The following DIO2 variants were observed in gnomAD, a reference collection of about 807,000 sequenced individuals.
The protein encoded by DIO2 is iodothyronine deiodinase 2.
A neutral mutation model predicts 21.4 loss-of-function variants in DIO2; 19 were observed. That is an observed-to-expected ratio of 0.89 (90% CI 0.62 to 1.30). The LOEUF (loss-of-function observed/expected upper bound fraction) is 1.30. Ranked by LOEUF, DIO2 falls within the 50% of genes most tolerant of loss-of-function variation. The pLI is 0.00. For missense variants in DIO2, 302 were observed against 338.1 expected (o/e 0.89, Z 0.84); for synonymous variants, 122 against 132.9 (o/e 0.92, Z 0.57).
At chr14:80,225,136 C>T (rs1166530397) in intron 2 of DIO2, among the ~76,000 whole-genome samples, 1 of 152,090 alleles carries the variant, frequency 6.6e-6, no homozygotes, top group Non-Finnish European at 1.5e-5. Context: ...CTTCCCCAGC[C>T]CACTGACTCA....
chr14:80,212,659 A>G (rs144306036), upstream of DIO2, among the ~76,000 whole-genome samples: 454 of 152,142 alleles, frequency 3.0e-3, 1 homozygote, highest in African/African-American at 0.01. Context: ...CATGACTCCA[A>G]CCCTTTGTAA....
At chr14:80,216,325 C>T (rs1025007577), upstream of DIO2, among the ~76,000 whole-genome samples, 4 of 152,202 alleles carry the variant, frequency 2.6e-5, no homozygotes, top group African/African-American at 9.6e-5. Context: ...TGTGGCGATG[C>T]TCTTTGTGAG....
At chr14:80,205,931 G>T (rs1465899219) in intron 1 of DIO2, among the ~76,000 whole-genome samples, 2 of 152,036 alleles carry the variant, frequency 1.3e-5, no homozygotes, top group Non-Finnish European at 2.9e-5. Context: ...ATCATATTTG[G>T]GTGACGGATA....
At chr14:80,209,488 C>T (rs1455350654) in intron 1 of DIO2, among the ~76,000 whole-genome samples, 2 of 152,048 alleles carry the variant, frequency 1.3e-5, no homozygotes, top group Non-Finnish European at 2.9e-5. Context: ...AGGGAACTTC[C>T]TAATTAATAA....
chr14:80,225,864 T>G (rs1235544910), intron 2 of DIO2, among the ~76,000 whole-genome samples: 1 of 152,182 alleles, frequency 6.6e-6, no homozygotes, highest in African/African-American at 2.4e-5. Flanking sequence ...TGTAACTCCC[T>G]TCTTAGCCTG....
intron 2 of DIO2, among the ~76,000 whole-genome samples, chr14:80,226,716 G>A (rs893025965): frequency 6.6e-6 from 1 of 152,300 alleles, no homozygotes; most frequent in East Asian, 1.9e-4. Context: ...TGCCACCATG[G>A]CCACTTTGTT....
At chr14:80,204,084 G>GT (rs1182519375) in intron 1 of DIO2, among the ~76,000 whole-genome samples, 1 of 151,822 alleles carries the variant, frequency 6.6e-6, no homozygotes, top group Non-Finnish European at 1.5e-5. Context: ...GTTTGTTTTT[G>GT]TTTTTTTAAA....
chr14:80,213,269 G>A (rs1888269186), upstream of DIO2, among the ~76,000 whole-genome samples: 1 of 152,116 alleles, frequency 6.6e-6, no homozygotes, highest in Admixed American at 6.6e-5. Context: ...AGATCACTGA[G>A]TTTTCTCAGT....
chr14:80,203,701 C>G (rs1887838746), intron 1 of DIO2, among the ~76,000 whole-genome samples: 1 of 152,196 alleles, frequency 6.6e-6, no homozygotes, highest in South Asian at 2.1e-4. Flanking sequence ...GACAAATTAT[C>G]AGGGTCTTGG....
At chr14:80,203,935 G>A (rs1381391704) in intron 1 of DIO2, among the ~76,000 whole-genome samples, 2 of 152,214 alleles carry the variant, frequency 1.3e-5, no homozygotes, top group Admixed American at 1.3e-4. Flanking sequence ...AATAATGCCT[G>A]TCTTCCACAT....
rs145575928 is a variant in DIO2 at position 80,225,754 on chromosome 14, G to C, written c.-277-9017C>G. Reference sequence around the variant, plus strand: ...GTCCTGCCTGGATTGGGCTGTTATAGTTTCCCATTGACCTTAATTGCAGGG... The same window carrying C: ...GTCCTGCCTGGATTGGGCTGTTATACTTTCCCATTGACCTTAATTGCAGGG... On this transcript the variant is annotated intron_variant, in intron 2 of 4. Transcript: ENST00000553594. Among the ~76,000 whole-genome samples, 592 of 152,182 alleles carry C rather than the reference G, an allele frequency of 3.9e-3. 6 individuals carry two copies. Among genetic ancestry groups the C allele is most frequent in the African/African-American group, 0.014 (568 of 41,528 alleles).
At chr14:80,228,019 T>C (rs1267975133) in intron 2 of DIO2, among the ~76,000 whole-genome samples, 1 of 152,238 alleles carries the variant, frequency 6.6e-6, no homozygotes, top group African/African-American at 2.4e-5. Flanking sequence ...GTCGGACTTA[T>C]TTCCCATCCT....
At chr14:80,204,121 C>T (rs539747234) in intron 1 of DIO2, among the ~76,000 whole-genome samples, 14 of 152,066 alleles carry the variant, frequency 9.2e-5, no homozygotes, top group Non-Finnish European at 1.9e-4. Flanking sequence ...TTGCACTCTC[C>T]TCAATATGGC....
chr14:80,215,460 C>T (rs1006408645), upstream of DIO2, among the ~76,000 whole-genome samples: 1 of 152,068 alleles, frequency 6.6e-6, no homozygotes, highest in Non-Finnish European at 1.5e-5. Flanking sequence ...CAACAGTTGC[C>T]ATTACTATTT....
rs974783910 is a variant in DIO2 at position 80,198,552 on chromosome 14, T to C, written c.*4137A>G. The C allele has an allele frequency of 5.3e-5, 8 of 152,338 alleles. No individual in the cohort carries two copies. Among genetic ancestry groups the C allele is most frequent in the Admixed American group, 1.3e-4 (2 of 15,272 alleles). The allele number at this position is 152,338 out of a possible 1,614,324, so 9.4% of individuals were successfully genotyped here. The stretch of plus-strand genomic sequence containing the variant: ...CCCTCAGGGCCTTGTTCTTCCCAGT[T>C]AGCAACTTTCTAGCTCTCCCATCCT... On this transcript the variant is annotated 3_prime_UTR_variant, in exon 2 of 2. Coordinates refer to ENST00000438257, the MANE Select transcript of DIO2 (RefSeq NM_013989.5).
intron 2 of DIO2, among the ~76,000 whole-genome samples, chr14:80,224,979 C>T (rs577812343): frequency 1.7e-3 from 253 of 152,136 alleles, no homozygotes; most frequent in Non-Finnish European, 2.8e-3. Flanking sequence ...ACTTGGAGTC[C>T]GATGTTTGAG....
chr14:80,212,921 G>A (rs74064461), upstream of DIO2, among the ~76,000 whole-genome samples: 936 of 151,598 alleles, frequency 6.2e-3, 8 homozygotes, highest in African/African-American at 0.02. Context: ...TCATTTTGCA[G>A]ATAAAATTAA....
chr14:80,210,932 T>A (rs1366424702), intron 1 of DIO2, among the ~76,000 whole-genome samples: 4 of 152,198 alleles, frequency 2.6e-5, no homozygotes, highest in African/African-American at 9.6e-5. Context: ...CAGTCTCCTC[T>A]TCTCCATCAT....
chr14:80,224,205 T>C (rs181417523), intron 2 of DIO2, among the ~76,000 whole-genome samples: 2 of 152,210 alleles, frequency 1.3e-5, no homozygotes, highest in East Asian at 3.9e-4. Flanking sequence ...GTGAAGCAAA[T>C]TGCCAAAGGT....
Sources: allele counts gnomAD v4.1 joint callset (sites outside exome capture counted in the v4.1 genomes callset), GRCh38; gene constraint gnomAD v4.1.1; transcripts MANE v1.5; gene names NCBI Gene and HGNC (gene_info 2026-07-23, HGNC 2026-07-21).